The following NAALADL2 variants were observed in gnomAD, a reference collection of about 807,000 sequenced individuals.
NAALADL2 encodes the protein N-acetylated alpha-linked acidic dipeptidase like 2, also known as inactive N-acetylated-alpha-linked acidic dipeptidase-like protein 2.
In NAALADL2, 76 loss-of-function variants were observed where a neutral mutation model predicts 87.2. That is an observed-to-expected ratio of 0.87 (90% CI 0.72 to 1.05). The LOEUF (loss-of-function observed/expected upper bound fraction) is 1.05, where lower values mean the gene tolerates loss of function less well. Among genes scored for constraint, NAALADL2 ranks in the 50% least tolerant of loss-of-function variants. The probability of loss-of-function intolerance (pLI) is 0.00; values close to 1 mark genes in which losing one functional copy is unlikely to be tolerated. For synonymous variants in NAALADL2, 354 were observed against 331.0 expected, an observed-to-expected ratio of 1.07 and a Z score of -0.75; for missense variants, 1,089 against 945.8, an observed-to-expected ratio of 1.15 and a Z score of -1.99.
At chr3:175,761,561 T>C (rs1344282266) in intron 13 of NAALADL2, among the ~76,000 whole-genome samples, 1 of 151,110 alleles carries the variant, frequency 6.6e-6, no homozygotes, top group East Asian at 1.9e-4. Flanking sequence ...ATGTTTAGCT[T>C]TGTAGGAAAC....
intron 1 of NAALADL2, among the ~76,000 whole-genome samples, chr3:174,960,651 A>G (rs1011122979): frequency 1.3e-5 from 2 of 152,074 alleles, no homozygotes; most frequent in Non-Finnish European, 2.9e-5. Context: ...GTGTATAGGC[A>G]GAAGTTTGGA....
intron 2 of NAALADL2, among the ~76,000 whole-genome samples, chr3:174,679,378 G>A (rs569331962): frequency 9.2e-5 from 14 of 151,936 alleles, no homozygotes; most frequent in Non-Finnish European, 1.8e-4. Context: ...ATTTCTGCTT[G>A]GTCTTCTTGC....
chr3:175,006,879 T>C (rs950138568), intron 1 of NAALADL2, among the ~76,000 whole-genome samples: 3 of 151,500 alleles, frequency 2.0e-5, no homozygotes, highest in African/African-American at 2.4e-5. Flanking sequence ...GTATGACTTA[T>C]GCATTCTTAT....
At chr3:175,288,038 C>A (rs1755190639) in intron 4 of NAALADL2, among the ~76,000 whole-genome samples, 3 of 152,058 alleles carry the variant, frequency 2.0e-5, no homozygotes, top group South Asian at 4.1e-4. Flanking sequence ...ACAGAATTAA[C>A]CAATGTTAAT....
intron 3 of NAALADL2, among the ~76,000 whole-genome samples, chr3:174,825,476 A>G (rs1721874836): frequency 6.6e-6 from 1 of 152,186 alleles, no homozygotes; most frequent in South Asian, 2.1e-4. Context: ...GATGGAATGT[A>G]TGATTCCTGC....
intron 5 of NAALADL2, among the ~76,000 whole-genome samples, chr3:175,396,721 A>G (rs561089651): frequency 3.3e-5 from 5 of 152,202 alleles, no homozygotes; most frequent in East Asian, 3.9e-4. Context: ...AGGTAATTCA[A>G]TCATGGGGAT....
At chr3:175,229,645 T>A (rs1033049138) in intron 2 of NAALADL2, among the ~76,000 whole-genome samples, 14 of 152,040 alleles carry the variant, frequency 9.2e-5, no homozygotes, top group Admixed American at 3.9e-4. Context: ...TAATATAATA[T>A]AATCACCTCC....
At chr3:175,283,202 A>G (rs1014611854) in intron 4 of NAALADL2, among the ~76,000 whole-genome samples, 1 of 152,130 alleles carries the variant, frequency 6.6e-6, no homozygotes, top group Non-Finnish European at 1.5e-5. Flanking sequence ...TTTACAATAT[A>G]CTAAAGACTG....
At chr3:174,993,952 C>T (rs1277151225) in intron 1 of NAALADL2, among the ~76,000 whole-genome samples, 2 of 152,168 alleles carry the variant, frequency 1.3e-5, no homozygotes, top group Non-Finnish European at 2.9e-5. Context: ...TTTGCATTCT[C>T]CCTGTGTGTC....
chr3:174,999,015 C>T (rs1747888961), intron 1 of NAALADL2, among the ~76,000 whole-genome samples: 1 of 152,046 alleles, frequency 6.6e-6, no homozygotes, highest in Non-Finnish European at 1.5e-5. Flanking sequence ...ATTATGATGA[C>T]TGCAAAAGAC....
intron 11 of NAALADL2, among the ~76,000 whole-genome samples, chr3:175,697,799 G>A (rs1247140150): frequency 7.1e-6 from 1 of 140,178 alleles, no homozygotes; most frequent in Non-Finnish European, 1.5e-5. Flanking sequence ...GTGTATATAT[G>A]TATATATATT....
At chr3:174,864,131 G>C (rs972978351) in intron 1 of NAALADL2, 15 of 451,442 alleles carry the variant, frequency 3.3e-5, no homozygotes, top group Middle Eastern at 3.2e-4. Context: ...AAAGGTGCAT[G>C]TGAAGATGGA....
chr3:174,940,981 T>C (rs1738496280), intron 1 of NAALADL2, among the ~76,000 whole-genome samples: 1 of 152,030 alleles, frequency 6.6e-6, no homozygotes, highest in South Asian at 2.1e-4. Context: ...CTATTGGATA[T>C]TTTTTTGTGT....
intron 1 of NAALADL2, among the ~76,000 whole-genome samples, chr3:175,057,556 G>T (rs1712481514): frequency 6.6e-6 from 1 of 152,136 alleles, no homozygotes; most frequent in Non-Finnish European, 1.5e-5. Context: ...TGCACCATCT[G>T]GGGAACAGAC....
chr3:175,477,249 G>T (rs887954944), intron 9 of NAALADL2, among the ~76,000 whole-genome samples: 1 of 152,012 alleles, frequency 6.6e-6, no homozygotes, highest in African/African-American at 2.4e-5. Flanking sequence ...ATATATAAAT[G>T]CATCATCAAG....
At chr3:174,609,010 T>C (rs1176525928) in intron 2 of NAALADL2, among the ~76,000 whole-genome samples, 1 of 151,308 alleles carries the variant, frequency 6.6e-6, no homozygotes, top group Non-Finnish European at 1.5e-5. Context: ...TGGTTCAATA[T>C]ACGCAAATCA....
At chr3:174,568,169 A>AT (rs755609849) in intron 2 of NAALADL2, among the ~76,000 whole-genome samples, 26 of 151,756 alleles carry the variant, frequency 1.7e-4, no homozygotes, top group Non-Finnish European at 3.0e-4. Flanking sequence ...ATACTAATCT[A>AT]TTTTTCTGTC....
At chr3:174,607,268 A>C (rs936265367) in intron 2 of NAALADL2, among the ~76,000 whole-genome samples, 1 of 152,114 alleles carries the variant, frequency 6.6e-6, no homozygotes, top group African/African-American at 2.4e-5. Context: ...CTAACAAGCA[A>C]ATCAACCAGC....
intron 4 of NAALADL2, among the ~76,000 whole-genome samples, chr3:175,299,237 G>A (rs993751291): frequency 1.3e-5 from 2 of 152,020 alleles, no homozygotes; most frequent in African/African-American, 2.4e-5. Context: ...GCTTAGGATT[G>A]TCTTGGCTAT....
Sources: gnomAD v4.1 joint callset for allele counts (sites outside exome capture counted in the v4.1 genomes callset) on GRCh38, gnomAD v4.1.1 for gene constraint, MANE v1.5 for transcripts, NCBI Gene and HGNC (gene_info 2026-07-23, HGNC 2026-07-21) for gene names.